ARFGEF3: variants seen among roughly 807,000 people sequenced by gnomAD.
The protein encoded by ARFGEF3 is ARFGEF family member 3.
In ARFGEF3, 96 loss-of-function variants were observed where a neutral mutation model predicts 221.7. That is an observed-to-expected ratio of 0.43 (90% confidence interval 0.37 to 0.51). The LOEUF (loss-of-function observed/expected upper bound fraction) is 0.51, where lower values mean the gene tolerates loss of function less well. Among genes scored for constraint, ARFGEF3 ranks in the 20% least tolerant of loss-of-function variants. The pLI is 0.00. For missense variants in ARFGEF3, 2,410 were observed against 2,789.9 expected, an observed-to-expected ratio of 0.86 and a Z score of 3.07; for synonymous variants, 1,145 against 1,126.8, an observed-to-expected ratio of 1.02 and a Z score of -0.32.
rs1779769476 is a variant in ARFGEF3 at position 138,308,613 on chromosome 6, A to G, written c.3974-126A>G. The G allele has an allele frequency of 3.4e-5, 36 of 1,044,496 alleles. No homozygotes were observed. In the East Asian group the frequency reaches 8.4e-4, roughly 24 times the overall value. 64.7% of individuals were successfully genotyped at this position (1,044,496 alleles called of 1,614,324 possible). A position where few individuals can be genotyped will look rare whatever the true frequency, so the allele number is the denominator to read the frequency against. ...AAGCCAATGGCCCAATAAAAAACCC[A>G]GGCATCTCCCCAGTAGATCTTTCTC... is the stretch of plus-strand genomic sequence containing the variant. On this transcript the variant is annotated intron_variant, in intron 23 of 33. Coordinates refer to ENST00000251691, the MANE Select transcript of ARFGEF3 (RefSeq NM_020340.5).
chr6:138,252,515 A>C (rs900011836), intron 8 of ARFGEF3, among the ~76,000 whole-genome samples: 1 of 152,138 alleles, frequency 6.6e-6, no homozygotes, highest in African/African-American at 2.4e-5. Flanking sequence ...AGTTGTGTGG[A>C]TGTAACCTCT....
chr6:138,319,667 T>C, intron 27 of ARFGEF3, 36 bp from the exon 28 acceptor site: 4 of 1,516,156 alleles, frequency 2.6e-6, no homozygotes, highest in Non-Finnish European at 3.6e-6. Context: ...TTCCCTTTTA[T>C]TACAGGTTGT....
At position 138,340,704 on chromosome 6, in the gene ARFGEF3, T is replaced by C. The variant is rs147292229; in HGVS notation, c.*4218T>C. 6.6e-6 allele frequency: 1 copy of C among 152,192 alleles called. No homozygotes were observed. Among genetic ancestry groups the C allele is most frequent in the African/African-American group, 2.4e-5 (1 of 41,508 alleles). 9.4% of individuals were successfully genotyped at this position (152,192 alleles called of 1,614,324 possible). A position where few individuals can be genotyped will look rare whatever the true frequency, so the allele number is the denominator to read the frequency against. The stretch of plus-strand genomic sequence containing the variant: ...CACAGACCCAGAGAGGTTAAGAAAT[T>C]TGCCCAAGATAACAAGTAAAAGGCA... On this transcript the variant is annotated 3_prime_UTR_variant, in exon 34 of 34. Coordinates refer to ENST00000251691, the MANE Select transcript of ARFGEF3 (RefSeq NM_020340.5).
At chr6:138,214,881 A>G (rs951888985) in intron 4 of ARFGEF3, among the ~76,000 whole-genome samples, 3 of 152,366 alleles carry the variant, frequency 2.0e-5, no homozygotes, top group Middle Eastern at 3.4e-3. Context: ...ACTATTTAAC[A>G]GGAAGGGGAG....
At chr6:138,218,202 G>T in intron 4 of ARFGEF3, 1 of 1,613,878 alleles carries the variant, frequency 6.2e-7, no homozygotes, top group Non-Finnish European at 8.5e-7. Context: ...GAACTCTGTT[G>T]CCTTTTGACT....
intron 32 of ARFGEF3, among the ~76,000 whole-genome samples, chr6:138,332,822 G>A (rs368495834): frequency 1.2e-4 from 19 of 152,092 alleles, no homozygotes; most frequent in Admixed American, 4.6e-4. Context: ...TACTGTTTTC[G>A]AATGACAGTC....
rs541722334 is a variant in ARFGEF3, at chr6:138,208,629, C to G, written c.220-1281C>G. Among the ~76,000 whole-genome samples, 5 of 152,210 alleles carry G rather than the reference C, an allele frequency of 3.3e-5. No individual in the cohort carries two copies. In the South Asian group the frequency reaches 1.0e-3, roughly 32 times the overall value. On this transcript the variant is annotated intron_variant, in intron 3 of 33. Coordinates refer to ENST00000251691, the MANE Select transcript of ARFGEF3 (RefSeq NM_020340.5). ...TCAAAAATCAATTGCACCAAGACAGCATGGAGGAAAATAGCTTAATTGCAG... is the reference window on the plus strand; with the variant it reads ...TCAAAAATCAATTGCACCAAGACAGGATGGAGGAAAATAGCTTAATTGCAG...
At chr6:138,317,457 C>T (rs1779946846) in intron 27 of ARFGEF3, 78 bp downstream of exon 27, 1 of 1,557,856 alleles carries the variant, frequency 6.4e-7, no homozygotes, top group Non-Finnish European at 8.8e-7. Flanking sequence ...CTGCAGGTGT[C>T]TGCCTGTTTT....
At position 138,344,303 on chromosome 6, in the gene ARFGEF3, C is replaced by G. The variant is rs573444151; in HGVS notation, c.*7817C>G. 6.6e-6 allele frequency: 1 copy of G among 152,220 alleles called. No homozygotes were observed. The highest frequency in any genetic ancestry group is 1.9e-4 in the East Asian group (1 of 5,186). 9.4% of individuals were successfully genotyped at this position (152,220 alleles called of 1,614,324 possible). The stretch of plus-strand genomic sequence containing the variant: ...CCTTGCAACCCCATTCACCAGGAGC[C>G]TTGAAGCATTTTGTTTACTCCAAAG... On this transcript the variant is annotated 3_prime_UTR_variant, in exon 34 of 34. Coordinates refer to ENST00000251691, the MANE Select transcript of ARFGEF3 (RefSeq NM_020340.5).
chr6:138,206,296 T>C (rs1777623423), intron 2 of ARFGEF3, among the ~76,000 whole-genome samples: 2 of 152,174 alleles, frequency 1.3e-5, no homozygotes, highest in Admixed American at 1.3e-4. Flanking sequence ...CTAAAATATT[T>C]TAATGCCCTT....
At chr6:138,276,409 CATGAG>C (rs756781608) in intron 12 of ARFGEF3, among the ~76,000 whole-genome samples, 5 of 152,190 alleles carry the variant, frequency 3.3e-5, no homozygotes, top group Non-Finnish European at 7.3e-5. Context: ...ATCTTCAGAG[CATGAG>C]ATATAGTTGT....
intron 33 of ARFGEF3, 113 bp downstream of exon 33, chr6:138,335,301 G>A: frequency 2.8e-6 from 3 of 1,082,942 alleles, no homozygotes; most frequent in Non-Finnish European, 2.5e-6. Flanking sequence ...ACAGGTAGGG[G>A]GTATGAACCG....
intron 12 of ARFGEF3, among the ~76,000 whole-genome samples, chr6:138,264,182 G>A (rs985373447): frequency 2.0e-5 from 3 of 152,176 alleles, no homozygotes; most frequent in East Asian, 1.9e-4. Flanking sequence ...AGTGGTGCTG[G>A]GGGGAATAGT....
intron 2 of ARFGEF3, among the ~76,000 whole-genome samples, chr6:138,173,984 T>A (rs887702659): frequency 2.6e-5 from 4 of 152,320 alleles, no homozygotes; most frequent in Middle Eastern, 3.4e-3. Context: ...CACAATGAGA[T>A]CTATCAAGCA....
chr6:138,293,876 T>C, intron 19 of ARFGEF3, 117 bp from the exon 20 acceptor site: 2 of 959,082 alleles, frequency 2.1e-6, no homozygotes, highest in Non-Finnish European at 3.2e-6. Flanking sequence ...TACATTTGTC[T>C]ACAGTGTTTA....
At chr6:138,275,145 A>G (rs1779074248) in intron 12 of ARFGEF3, among the ~76,000 whole-genome samples, 1 of 152,054 alleles carries the variant, frequency 6.6e-6, no homozygotes. Context: ...ATTTTAAAAA[A>G]TAATAATAAA....
rs1779407164 is a variant in ARFGEF3 at position 138,291,724 on chromosome 6, T to C, written c.3048-9T>C. The C allele has an allele frequency of 6.0e-6, 8 of 1,336,814 alleles. No individual in the cohort carries two copies. Among genetic ancestry groups the C allele is most frequent in the Admixed American group, 3.4e-5 (1 of 29,578 alleles). 82.8% of individuals were successfully genotyped at this position (1,336,814 alleles called of 1,614,324 possible). ...GCGCCTAACAGCTGCTTGTCTGTGC[T>C]CTTTCTAGGGTGTGTGAATACGTGG... On this transcript the variant is annotated splice_polypyrimidine_tract_variant and intron_variant, in intron 18 of 33. Coordinates refer to ENST00000251691, the MANE Select transcript of ARFGEF3 (RefSeq NM_020340.5). The surrounding 1 kb of genome is among the most constrained non-coding windows in gnomAD (Gnocchi z 4.5).
intron 11 of ARFGEF3, among the ~76,000 whole-genome samples, chr6:138,262,072 C>G (rs1778807082): frequency 6.6e-6 from 1 of 151,998 alleles, no homozygotes; most frequent in Admixed American, 6.6e-5. Flanking sequence ...ATTTGAAACA[C>G]TGAGCATAAT....
intron 9 of ARFGEF3, 87 bp downstream of exon 9, chr6:138,254,071 C>T (rs1583033491): frequency 3.8e-6 from 3 of 784,088 alleles, no homozygotes; most frequent in Non-Finnish European, 5.9e-6. Context: ...CCATGAAGTC[C>T]ATGACCCACC....
Sources: gnomAD v4.1 joint callset for allele counts (sites outside exome capture counted in the v4.1 genomes callset) on GRCh38, gnomAD v4.1.1 for gene constraint, Gnocchi (gnomAD v3.1) non-coding constraint, MANE v1.5 for transcripts, NCBI Gene and HGNC (gene_info 2026-07-23, HGNC 2026-07-21) for gene names.